Variants in GRIK2 observed in about 807,000 individuals in gnomAD.
GRIK2 encodes the protein glutamate receptor ionotropic, kainate 2.
A neutral mutation model predicts 100.3 loss-of-function variants in GRIK2; 32 were observed. The observed-to-expected ratio is 0.32, with a 90% CI of 0.24 to 0.43. The LOEUF is 0.43. GRIK2 is among the 20% of genes least tolerant of loss of function. GRIK2 has a pLI of 1.00. For missense variants in GRIK2, 843 were observed against 1,114.9 expected (o/e 0.76, Z 3.47); for synonymous variants, 417 against 389.4 (o/e 1.07, Z -0.83).
intron 7 of GRIK2, among the ~76,000 whole-genome samples, chr6:101,773,797 G>C (rs7754022): frequency 0.15 from 22,917 of 152,002 alleles, 2,779 homozygotes; most frequent in East Asian, 0.65. Flanking sequence ...AGCTAAGAAA[G>C]ATAACATGAC....
chr6:101,550,731 C>T (rs1582696283), intron 2 of GRIK2, among the ~76,000 whole-genome samples: 1 of 152,138 alleles, frequency 6.6e-6, no homozygotes, highest in East Asian at 1.9e-4. Context: ...CATGTGCCTG[C>T]ATATACACTG....
chr6:101,502,665 T>A (rs185140541), intron 2 of GRIK2, among the ~76,000 whole-genome samples: 1 of 152,276 alleles, frequency 6.6e-6, no homozygotes, highest in African/African-American at 2.4e-5. Context: ...TAAAAGTGAT[T>A]CCTTTTGGGA....
At chr6:101,948,207 G>C (rs1184856771) in intron 14 of GRIK2, among the ~76,000 whole-genome samples, 1 of 151,888 alleles carries the variant, frequency 6.6e-6, no homozygotes, top group Non-Finnish European at 1.5e-5. Context: ...TATGGCAGTG[G>C]TGATAGAATG....
At chr6:101,982,637 G>A (rs950939537) in intron 14 of GRIK2, among the ~76,000 whole-genome samples, 1 of 149,870 alleles carries the variant, frequency 6.7e-6, no homozygotes, top group Non-Finnish European at 1.5e-5. Context: ...AGAATTAGCT[G>A]CTACTACCCC....
chr6:102,022,615 A>G (rs1444164271), intron 14 of GRIK2, among the ~76,000 whole-genome samples: 1 of 151,726 alleles, frequency 6.6e-6, no homozygotes, highest in African/African-American at 2.4e-5. Flanking sequence ...GCTATTCTAT[A>G]ATAACTTTAT....
At chr6:101,906,532 T>C (rs1473231882) in intron 12 of GRIK2, among the ~76,000 whole-genome samples, 2 of 151,528 alleles carry the variant, frequency 1.3e-5, no homozygotes. Context: ...GGATTTAAAA[T>C]TTATTATTGG....
At chr6:101,912,689 T>C (rs1356882215) in intron 12 of GRIK2, among the ~76,000 whole-genome samples, 1 of 151,616 alleles carries the variant, frequency 6.6e-6, no homozygotes, top group Non-Finnish European at 1.5e-5. Flanking sequence ...TTTTTCCTTG[T>C]GTCATTAAAA....
chr6:101,697,054 T>C (rs996620273), intron 7 of GRIK2, among the ~76,000 whole-genome samples: 1 of 152,040 alleles, frequency 6.6e-6, no homozygotes. Context: ...GCTATTACTT[T>C]AGGCAAGTTA....
intron 2 of GRIK2, among the ~76,000 whole-genome samples, chr6:101,616,032 C>G (rs1011340207): frequency 1.3e-5 from 2 of 151,772 alleles, no homozygotes; most frequent in Admixed American, 1.3e-4. Context: ...GTGTCCTCCT[C>G]CCCTAGGCTT....
chr6:101,880,499 C>A (rs981252146), intron 11 of GRIK2, among the ~76,000 whole-genome samples: 3 of 151,990 alleles, frequency 2.0e-5, no homozygotes, highest in Admixed American at 2.0e-4. Context: ...GACATTCTTA[C>A]TCTGCCAAGT....
At chr6:101,705,003 A>ATATATT (rs1224669403) in intron 7 of GRIK2, among the ~76,000 whole-genome samples, 2 of 131,500 alleles carry the variant, frequency 1.5e-5, no homozygotes, top group African/African-American at 5.1e-5. Context: ...ATTATATTAC[A>ATATATT]TATATTTATA....
At chr6:102,010,713 CT>C (rs1259205059) in intron 14 of GRIK2, among the ~76,000 whole-genome samples, 228 of 144,412 alleles carry the variant, frequency 1.6e-3, no homozygotes, top group Middle Eastern at 3.7e-3. Context: ...ATAACAATCA[CT>C]TTTTTTTTTT....
At chr6:101,707,727 CT>C (rs1339301525) in intron 7 of GRIK2, among the ~76,000 whole-genome samples, 1 of 150,664 alleles carries the variant, frequency 6.6e-6, no homozygotes, top group Non-Finnish European at 1.5e-5. Flanking sequence ...GCTCAACTTA[CT>C]TTACCTGAAT....
chr6:101,591,196 T>A (rs1778622868), intron 2 of GRIK2, among the ~76,000 whole-genome samples: 1 of 148,770 alleles, frequency 6.7e-6, no homozygotes, highest in Admixed American at 6.7e-5. Context: ...TTTGTTCCAT[T>A]TTTTTTTTAA....
At chr6:102,002,744 A>G (rs1795016289) in intron 14 of GRIK2, among the ~76,000 whole-genome samples, 1 of 150,834 alleles carries the variant, frequency 6.6e-6, no homozygotes, top group Non-Finnish European at 1.5e-5. Context: ...TGAAAGAACA[A>G]TGATAAAAAA....
chr6:101,910,258 C>A (rs1788581179), intron 12 of GRIK2, among the ~76,000 whole-genome samples: 1 of 150,978 alleles, frequency 6.6e-6, no homozygotes, highest in Admixed American at 6.6e-5. Context: ...CTATTATCTG[C>A]AAGTTAAAAT....
intron 2 of GRIK2, among the ~76,000 whole-genome samples, chr6:101,475,062 A>T (rs1030828848): frequency 1.3e-4 from 19 of 151,886 alleles, no homozygotes; most frequent in East Asian, 7.7e-4. Context: ...TCTTGTGTTG[A>T]TCAATTATAG....
At chr6:101,771,696 C>T (rs1160786906) in intron 7 of GRIK2, among the ~76,000 whole-genome samples, 1 of 119,174 alleles carries the variant, frequency 8.4e-6, no homozygotes, top group Non-Finnish European at 1.7e-5. Flanking sequence ...CCCCACCCCA[C>T]AACAGTCCCT....
intron 7 of GRIK2, among the ~76,000 whole-genome samples, chr6:101,732,705 C>G (rs1412308855): frequency 6.6e-6 from 1 of 152,010 alleles, no homozygotes; most frequent in Non-Finnish European, 1.5e-5. Context: ...CTTACATTAC[C>G]CTTTTAAAAA....
Sources: gnomAD v4.1 joint callset for allele counts (sites outside exome capture counted in the v4.1 genomes callset) on GRCh38, gnomAD v4.1.1 for gene constraint, MANE v1.5 for transcripts, NCBI Gene and HGNC (gene_info 2026-07-23, HGNC 2026-07-21) for gene names.